Variants in MCTP1 observed in about 807,000 individuals in gnomAD.
MCTP1 encodes multiple C2 and transmembrane domain-containing protein 1.
Under a neutral mutation model 120.6 loss-of-function variants are expected in MCTP1, and 69 were observed. That is an observed-to-expected ratio of 0.57 (90% confidence interval 0.47 to 0.70). The LOEUF is 0.70. Among genes scored for constraint, MCTP1 ranks in the 30% least tolerant of loss-of-function variants. The pLI is 0.00. For missense variants in MCTP1, 1,203 were observed against 1,248.8 expected, an observed-to-expected ratio of 0.96 and a Z score of 0.55; for synonymous variants, 529 against 493.1, an observed-to-expected ratio of 1.07 and a Z score of -0.96.
At chr5:94,924,640 A>G (rs757600158) in intron 6 of MCTP1, among the ~76,000 whole-genome samples, 3 of 152,224 alleles carry the variant, frequency 2.0e-5, no homozygotes, top group Non-Finnish European at 4.4e-5. Context: ...TAATCCTCAG[A>G]CTTTTATAAA....
At chr5:94,823,429 C>T (rs1786149974) in intron 17 of MCTP1, among the ~76,000 whole-genome samples, 1 of 152,170 alleles carries the variant, frequency 6.6e-6, no homozygotes, top group Non-Finnish European at 1.5e-5. Context: ...CAGTACCATG[C>T]CACTTTGGTT....
intron 1 of MCTP1, among the ~76,000 whole-genome samples, chr5:95,220,320 C>T (rs1753541631): frequency 6.6e-6 from 1 of 150,450 alleles, no homozygotes; most frequent in Admixed American, 6.6e-5. Flanking sequence ...AACCTGGATC[C>T]TCATTTTCTT....
chr5:95,079,725 A>T (rs190668992), intron 1 of MCTP1, among the ~76,000 whole-genome samples: 495 of 152,020 alleles, frequency 3.3e-3, no homozygotes, highest in Non-Finnish European at 6.2e-3. Context: ...TTTAATAAAA[A>T]ATATTTTATA....
chr5:95,254,877 C>T (rs902696081), intron 1 of MCTP1, among the ~76,000 whole-genome samples: 27 of 152,248 alleles, frequency 1.8e-4, no homozygotes, highest in African/African-American at 6.0e-4. Flanking sequence ...ATTACAAATT[C>T]TATTGATATC....
At chr5:95,182,730 A>T (rs1193736193) in intron 1 of MCTP1, among the ~76,000 whole-genome samples, 3 of 151,908 alleles carry the variant, frequency 2.0e-5, no homozygotes, top group South Asian at 4.2e-4. Context: ...TTAAAATTAT[A>T]AAAAAAATGG....
intron 17 of MCTP1, among the ~76,000 whole-genome samples, chr5:94,836,725 A>T (rs1268501952): frequency 6.6e-6 from 1 of 152,218 alleles, no homozygotes; most frequent in East Asian, 1.9e-4. Flanking sequence ...ACCACAGCTG[A>T]TAAAATTTGC....
intron 1 of MCTP1, among the ~76,000 whole-genome samples, chr5:95,133,621 C>T (rs1330919750): frequency 6.6e-6 from 1 of 152,236 alleles, no homozygotes; most frequent in South Asian, 2.1e-4. Context: ...TGCCATTGCA[C>T]TCCAGCCTGG....
intron 1 of MCTP1, among the ~76,000 whole-genome samples, chr5:95,070,662 G>A (rs1309747152): frequency 2.6e-5 from 4 of 152,154 alleles, no homozygotes; most frequent in Non-Finnish European, 5.9e-5. Context: ...CAACACTCAG[G>A]AACTCAGCAA....
intron 1 of MCTP1, among the ~76,000 whole-genome samples, chr5:95,187,705 A>G (rs1749372860): frequency 6.6e-6 from 1 of 152,118 alleles, no homozygotes; most frequent in Non-Finnish European, 1.5e-5. Flanking sequence ...TGGCAATCCC[A>G]TCTTTTTGGT....
intron 6 of MCTP1, among the ~76,000 whole-genome samples, chr5:94,924,840 C>A (rs989948889): frequency 6.6e-6 from 1 of 152,166 alleles, no homozygotes; most frequent in Non-Finnish European, 1.5e-5. Flanking sequence ...AAAGAGGAAG[C>A]ACTTTTGCAA....
At chr5:94,789,037 G>GA (rs1277367675) in intron 18 of MCTP1, 1 of 152,158 alleles carries the variant, frequency 6.6e-6, no homozygotes, top group Non-Finnish European at 1.5e-5. Context: ...TCAAATAAGT[G>GA]AAAATCAACC....
chr5:95,159,999 G>T (rs1275293999), intron 1 of MCTP1, among the ~76,000 whole-genome samples: 2 of 152,206 alleles, frequency 1.3e-5, no homozygotes, highest in Admixed American at 6.5e-5. Context: ...ACTGCAAGTA[G>T]CTAGGTAAGG....
intron 2 of MCTP1, among the ~76,000 whole-genome samples, chr5:94,997,276 C>T (rs1018005916): frequency 2.0e-5 from 3 of 152,104 alleles, no homozygotes; most frequent in African/African-American, 4.8e-5. Context: ...GGAAAGAGCT[C>T]TTTCTGGAAT....
intron 19 of MCTP1, among the ~76,000 whole-genome samples, chr5:94,759,972 G>GTTT (rs369341021): frequency 4.5e-4 from 52 of 115,420 alleles, no homozygotes; most frequent in African/African-American, 1.0e-3. Context: ...ACTGTTGAGG[G>GTTT]TTTTTTTTTT....
intron 1 of MCTP1, among the ~76,000 whole-genome samples, chr5:95,062,984 A>G (rs1232714120): frequency 1.3e-5 from 2 of 151,850 alleles, no homozygotes; most frequent in African/African-American, 4.8e-5. Flanking sequence ...TCGCCCAGCT[A>G]ATTTTTTATT....
intron 1 of MCTP1, among the ~76,000 whole-genome samples, chr5:95,021,616 T>C (rs1244914604): frequency 1.3e-5 from 2 of 152,054 alleles, no homozygotes. Flanking sequence ...TCTGATAAGG[T>C]TATTTCTAGT....
In MCTP1 at chr5:94,786,307, C is replaced by T. The variant is rs888376236; in HGVS notation, c.2557-7144G>A. Among the ~76,000 whole-genome samples the T allele has an allele frequency of 7.2e-5, 11 of 152,124 alleles. No homozygotes were observed. The East Asian group carries it at 1.9e-3, about 27-fold the overall frequency. On this transcript the variant is annotated intron_variant, in intron 18 of 22. Transcript: ENST00000515393. Reference sequence around the variant, plus strand: ...ATTTTGAGGCCTGAGGACATTATGTCAGAGAATTTAACTTTAAAAATGGAG... The same window carrying T: ...ATTTTGAGGCCTGAGGACATTATGTTAGAGAATTTAACTTTAAAAATGGAG...
At chr5:95,047,249 C>T (rs1434818554) in intron 1 of MCTP1, among the ~76,000 whole-genome samples, 1 of 152,136 alleles carries the variant, frequency 6.6e-6, no homozygotes, top group Non-Finnish European at 1.5e-5. Flanking sequence ...GAGCCTCTAC[C>T]ACTATGGCCT....
intron 19 of MCTP1, among the ~76,000 whole-genome samples, chr5:94,716,383 C>T (rs1269501146): frequency 2.0e-5 from 3 of 150,974 alleles, no homozygotes; most frequent in African/African-American, 7.3e-5. Context: ...TTATCTTTCA[C>T]ACTCTCCAGT....
Sources: allele counts gnomAD v4.1 joint callset (sites outside exome capture counted in the v4.1 genomes callset), GRCh38; gene constraint gnomAD v4.1.1; transcripts MANE v1.5; gene names NCBI Gene and HGNC (gene_info 2026-07-23, HGNC 2026-07-21).